Variants in RNF103 observed in about 807,000 individuals in gnomAD.
The protein encoded by RNF103 is E3 ubiquitin-protein ligase RNF103.
A neutral mutation model predicts 66.2 loss-of-function variants in RNF103; 23 were observed. The observed-to-expected ratio is 0.35, with a 90% CI of 0.25 to 0.49. The LOEUF (loss-of-function observed/expected upper bound fraction) is 0.49, where lower values mean the gene tolerates loss of function less well. RNF103 is among the 20% of genes least tolerant of loss of function. RNF103 has a pLI of 0.98. For synonymous variants in RNF103, 297 were observed against 289.9 expected (o/e 1.02, Z -0.25); for missense variants, 730 against 814.7 (o/e 0.90, Z 1.27).
At chr2:86,612,536 T>C (rs1443173299) in intron 2 of RNF103, 2 of 278,072 alleles carry the variant, frequency 7.2e-6, no homozygotes, top group Non-Finnish European at 1.3e-5. Flanking sequence ...CAAAACTGTA[T>C]TAAAAGGCTA....
chr2:86,618,986 T>C (rs982690870), intron 2 of RNF103, among the ~76,000 whole-genome samples: 1 of 152,170 alleles, frequency 6.6e-6, no homozygotes, highest in East Asian at 1.9e-4. Context: ...AATTAGATTA[T>C]CCGGAAGGTA....
intron 2 of RNF103, among the ~76,000 whole-genome samples, chr2:86,619,141 T>C (rs1379269823): frequency 6.6e-6 from 1 of 152,206 alleles, no homozygotes; most frequent in African/African-American, 2.4e-5. Context: ...ATGTATTTAT[T>C]TGAGGCCACG....
chr2:86,615,540 T>TATATATATATATA (rs1287982835), intron 2 of RNF103, among the ~76,000 whole-genome samples: 1 of 126,914 alleles, frequency 7.9e-6, no homozygotes, highest in Non-Finnish European at 1.8e-5. Flanking sequence ...ATATATATAA[T>TATATATATATATA]ATATATACAC....
At position 86,605,032 on chromosome 2, in the gene RNF103, AG is replaced by A; in HGVS notation, c.868del (p.Arg291GlufsTer33). The A allele has an allele frequency of 6.2e-7, 1 of 1,614,120 alleles. No individual in the cohort carries two copies. Among genetic ancestry groups the A allele is most frequent in the Non-Finnish European group, 8.5e-7 (1 of 1,180,010 alleles). ...CCTGTAAATTCCTTCAGGAGTTCTA[AG>A]TATGTATGATGGCATATTATATATG... ...IGIYNMPSYI[L>X]RTPEGIYRYG... On this transcript the variant is annotated frameshift_variant, in exon 4 of 4. Coordinates refer to ENST00000237455, the MANE Select transcript of RNF103 (RefSeq NM_005667.4). LOFTEE classifies it high-confidence loss of function.
At position 86,622,606 on chromosome 2, in the gene RNF103, A is replaced by C; in HGVS notation, c.226+55T>G. ...GGGGAACAGCCAGGTACCAGGAGGTACAGGTCGTCCCCTCTCCCAGGTGGA... is the reference window on the plus strand; with the variant it reads ...GGGGAACAGCCAGGTACCAGGAGGTCCAGGTCGTCCCCTCTCCCAGGTGGA... On this transcript the variant is annotated intron_variant, in intron 1 of 3. Coordinates refer to ENST00000237455, the MANE Select transcript of RNF103 (RefSeq NM_005667.4). 2.6e-6 allele frequency: 4 copies of C among 1,554,030 alleles called. No homozygotes were observed. In the Admixed American group the frequency reaches 6.7e-5, roughly 26 times the overall value.
chr2:86,608,411 C>T (rs1678655909), intron 3 of RNF103, among the ~76,000 whole-genome samples: 1 of 143,914 alleles, frequency 6.9e-6, no homozygotes, highest in African/African-American at 2.6e-5. Context: ...CGCCTGAACC[C>T]AGTAGGCTGA....
At chr2:86,611,288 C>T (rs1388100747) in intron 3 of RNF103, among the ~76,000 whole-genome samples, 2 of 152,104 alleles carry the variant, frequency 1.3e-5, no homozygotes, top group Non-Finnish European at 2.9e-5. Context: ...GAACTTCCCT[C>T]CTATTCCCAA....
At chr2:86,621,587 G>T (rs1416255805) in intron 1 of RNF103, among the ~76,000 whole-genome samples, 2 of 152,150 alleles carry the variant, frequency 1.3e-5, no homozygotes, top group African/African-American at 4.8e-5. Context: ...TGAGATATGA[G>T]TTTTATAACC....
rs369497868 is a variant in RNF103 at position 86,604,521 on chromosome 2, G to C, written c.1380C>G (p.Asp460Glu). ...GGTGGAAGAGGTAGCTGGTGTACCAGTCCCACAGACTTGATAACCATTCTA... is the reference window on the plus strand; with the variant it reads ...GGTGGAAGAGGTAGCTGGTGTACCACTCCCACAGACTTGATAACCATTCTA... ...NNLEWLSSLW[D>E]WYTSYLFHPI... The change falls in exon 4 of 4, where the codon GAC (aspartate) becomes GAG (glutamate). Residue 460 changes from aspartate (D) to glutamate (E), a missense_variant. Asp to Glu is a conservative substitution (Grantham distance 45). This residue lies in a region of RNF103 where 355 missense variants were observed against 351.9 expected (regional missense o/e 1.01). Transcript: ENST00000237455. 2 of 1,614,122 alleles carry C rather than the reference G, an allele frequency of 1.2e-6. No individual in the cohort carries two copies. The highest frequency in any genetic ancestry group is 1.7e-6 in the Non-Finnish European group (2 of 1,180,054).
intron 2 of RNF103, chr2:86,616,430 G>A (rs1225803938): frequency 2.3e-6 from 2 of 858,998 alleles, no homozygotes; most frequent in Admixed American, 1.2e-4. Flanking sequence ...ACAAAAAACA[G>A]TGGTCTTTTA....
intron 1 of RNF103, 69 bp from the exon 2 acceptor site, chr2:86,620,538 AT>A: frequency 7.0e-7 from 1 of 1,437,746 alleles, no homozygotes; most frequent in South Asian, 1.6e-5. Flanking sequence ...CAGTAATTCT[AT>A]TTTTTACACT....
chr2:86,623,758 T>G lies in RNF103; in HGVS notation c.-872A>C. The stretch of plus-strand genomic sequence containing the variant: ...GCGCCCGTCCCGCTCGGATGGGCAG[T>G]GCCGGTCGCAGCACCCGTCCCCAAC... On this transcript the variant is annotated 5_prime_UTR_variant, in exon 1 of 4. Transcript: ENST00000237455. 1 of 1,281,888 alleles carries G rather than the reference T, an allele frequency of 7.8e-7. No individual in the cohort carries two copies. Among genetic ancestry groups the G allele is most frequent in the Non-Finnish European group, 1.0e-6 (1 of 985,998 alleles). The allele number at this position is 1,281,888 out of a possible 1,614,324, so 79.4% of individuals were successfully genotyped here.
At chr2:86,617,014 A>G in intron 2 of RNF103, 2 of 985,368 alleles carry the variant, frequency 2.0e-6, no homozygotes, top group Non-Finnish European at 2.4e-6. Context: ...AGCTAATGAA[A>G]GATATGAGCT....
chr2:86,616,871 C>T (rs1053506495), intron 2 of RNF103: 1 of 985,422 alleles, frequency 1.0e-6, no homozygotes, highest in Non-Finnish European at 1.2e-6. Flanking sequence ...ATGCTAACTT[C>T]TCCACTTCAG....
intron 2 of RNF103, chr2:86,616,468 A>G (rs1679026033): frequency 1.0e-6 from 1 of 956,788 alleles, no homozygotes; most frequent in South Asian, 4.8e-5. Flanking sequence ...CATAGAATTT[A>G]TAAAATTTTT....
chr2:86,612,327 G>T, intron 2 of RNF103, 53 bp from the exon 3 acceptor site: 1 of 1,001,536 alleles, frequency 1.0e-6, no homozygotes, highest in Non-Finnish European at 1.5e-6. Flanking sequence ...ATGGAGTCAA[G>T]CCAACCGTTT....
At position 86,604,812 on chromosome 2, in the gene RNF103, A is replaced by G. The variant is rs764111646; in HGVS notation, c.1089T>C (p.Tyr363=). ...FVVLISTLGT[Y]NSLLIISWLP... ...GCCAGGAAATAATTAATAGAGAATT[A>G]TATGTCCCTAAAGTGCTTATGAGAA... The change falls in exon 4 of 4, where the codon TAT becomes TAC. Residue 363 remains tyrosine, a synonymous_variant. Transcript: ENST00000237455. The G allele has an allele frequency of 4.7e-5, 76 of 1,614,054 alleles. No individual in the cohort carries two copies. The highest frequency in any genetic ancestry group is 6.2e-5 in the Non-Finnish European group (73 of 1,180,038).
At chr2:86,614,980 C>T (rs1279578490) in intron 2 of RNF103, 2 of 985,288 alleles carry the variant, frequency 2.0e-6, no homozygotes, top group African/African-American at 3.5e-5. Flanking sequence ...ATATTTAGTT[C>T]CTAAGTCTGG....
chr2:86,616,164 CATT>C (rs1271722686), intron 2 of RNF103, among the ~76,000 whole-genome samples: 1 of 152,124 alleles, frequency 6.6e-6, no homozygotes, highest in Non-Finnish European at 1.5e-5. Context: ...TTAAAATGCC[CATT>C]ATTTAGAGGT....
Sources: allele counts gnomAD v4.1 joint callset (sites outside exome capture counted in the v4.1 genomes callset), GRCh38; gene constraint gnomAD v4.1.1; regional missense constraint gnomAD v4.1.1; transcripts MANE v1.5; gene names NCBI Gene and HGNC (gene_info 2026-07-23, HGNC 2026-07-21).